The following ZC3H6 variants were observed in gnomAD, a reference collection of about 807,000 sequenced individuals.
The protein encoded by ZC3H6 is zinc finger CCCH-type containing 6.
In ZC3H6, 40 loss-of-function variants were observed where a neutral mutation model predicts 107.7. The observed-to-expected ratio is 0.37, with a 90% confidence interval of 0.29 to 0.48. ZC3H6 has a LOEUF of 0.48. Among genes scored for constraint, ZC3H6 ranks in the 20% least tolerant of loss-of-function variants. The pLI is 0.98. For synonymous variants in ZC3H6, 493 were observed against 487.9 expected, an observed-to-expected ratio of 1.01 and a Z score of -0.14; for missense variants, 1,267 against 1,410.4, an observed-to-expected ratio of 0.90 and a Z score of 1.63.
chr2:112,283,938 T>C (rs1419353488), intron 1 of ZC3H6, among the ~76,000 whole-genome samples: 4 of 152,280 alleles, frequency 2.6e-5, no homozygotes, highest in Non-Finnish European at 5.9e-5. Context: ...AGGATGTTAA[T>C]AATCTTTATA....
chr2:112,289,304 C>T (rs1409708320), intron 1 of ZC3H6, among the ~76,000 whole-genome samples: 1 of 147,396 alleles, frequency 6.8e-6, no homozygotes, highest in Admixed American at 6.8e-5. Context: ...AGGCCCTGAA[C>T]ACTTTTTTTT....
intron 8 of ZC3H6, 35 bp from the exon 9 acceptor site, chr2:112,322,614 G>T (rs750361249): frequency 1.3e-6 from 2 of 1,557,670 alleles, no homozygotes; most frequent in Non-Finnish European, 1.7e-6. Context: ...GAAAAGACTC[G>T]CTTTGAAATA....
intron 1 of ZC3H6, among the ~76,000 whole-genome samples, chr2:112,295,184 C>G (rs565883188): frequency 6.6e-6 from 1 of 152,150 alleles, no homozygotes; most frequent in Non-Finnish European, 1.5e-5. Context: ...ATTAACTGAA[C>G]AGTTATTTAC....
chr2:112,332,686 T>C lies in ZC3H6; in HGVS notation c.*198T>C, dbSNP rs1391384864. On this transcript the variant is annotated 3_prime_UTR_variant, in exon 12 of 12. Coordinates refer to ENST00000409871, the MANE Select transcript of ZC3H6 (RefSeq NM_198581.3). ...ATATTTTTATAACTTTAAGAGACTGTAGTAATTGACCTAAAAACTTATGTT... is the reference window on the plus strand; with the variant it reads ...ATATTTTTATAACTTTAAGAGACTGCAGTAATTGACCTAAAAACTTATGTT... 2 of 428,916 alleles carry C rather than the reference T, an allele frequency of 4.7e-6. No homozygotes were observed. Among genetic ancestry groups the C allele is most frequent in the African/African-American group, 4.1e-5 (2 of 48,828 alleles). 26.6% of individuals were successfully genotyped at this position (428,916 alleles called of 1,614,324 possible). A position where few individuals can be genotyped will look rare whatever the true frequency, so the allele number is the denominator to read the frequency against.
chr2:112,319,054 C>G (rs148071804), intron 7 of ZC3H6, among the ~76,000 whole-genome samples: 1 of 152,106 alleles, frequency 6.6e-6, no homozygotes, highest in Non-Finnish European at 1.5e-5. Context: ...TAACTAGATA[C>G]AATTTGTGGA....
At chr2:112,281,921 T>C (rs1686533407) in intron 1 of ZC3H6, among the ~76,000 whole-genome samples, 1 of 152,024 alleles carries the variant, frequency 6.6e-6, no homozygotes, top group South Asian at 2.1e-4. Flanking sequence ...TAAAATATTT[T>C]AAGGTTTGAA....
intron 5 of ZC3H6, 193 bp downstream of exon 5, chr2:112,312,130 G>A: frequency 5.7e-6 from 3 of 524,048 alleles, no homozygotes; most frequent in Non-Finnish European, 9.1e-6. Context: ...AGATTTTGCT[G>A]ACTTTGAAAT....
rs1214314244 is a variant in ZC3H6, at chr2:112,337,483, C to T, written c.*4995C>T. 5 of 151,918 alleles carry T rather than the reference C, an allele frequency of 3.3e-5. No individual in the cohort carries two copies. Among genetic ancestry groups the T allele is most frequent in the Admixed American group, 3.3e-4 (5 of 15,252 alleles). 9.4% of individuals were successfully genotyped at this position (151,918 alleles called of 1,614,324 possible). A position where few individuals can be genotyped will look rare whatever the true frequency, so the allele number is the denominator to read the frequency against. Reference sequence around the variant, plus strand: ...GCTTACAGGCACGTGCCACCACACCCAGCTAATTTATTGTATTTACTAGAG... The same window carrying T: ...GCTTACAGGCACGTGCCACCACACCTAGCTAATTTATTGTATTTACTAGAG... On this transcript the variant is annotated 3_prime_UTR_variant, in exon 12 of 12. Transcript: ENST00000409871.
In ZC3H6 at chr2:112,331,580, C is replaced by T. The variant is rs1677032635; in HGVS notation, c.2662C>T (p.Pro888Ser). 6 of 1,613,804 alleles carry T rather than the reference C, an allele frequency of 3.7e-6. No individual in the cohort carries two copies. The highest frequency in any genetic ancestry group is 4.2e-6 in the Non-Finnish European group (5 of 1,179,878). Residue 888 changes from proline to serine, a missense_variant, in exon 12 of 12, where the codon CCT becomes TCT. Physicochemically the swap from Pro to Ser is moderately conservative, Grantham distance 74. This residue lies in a region of ZC3H6 where 925 missense variants were observed against 1,025.7 expected (regional missense o/e 0.90). Coordinates refer to ENST00000409871, the MANE Select transcript of ZC3H6 (RefSeq NM_198581.3). ...GGCTCCCGAAGACTTACTTCCAGTA[C>T]CTTTACCTAAACCTGATCCAGTGTC... ...VWAPEDLLPV[P>S]LPKPDPVSSI...
chr2:112,294,353 GA>G, intron 1 of ZC3H6, among the ~76,000 whole-genome samples: 1 of 152,184 alleles, frequency 6.6e-6, no homozygotes, highest in Non-Finnish European at 1.5e-5. Flanking sequence ...AAACATCTAG[GA>G]AATTTTGTTC....
rs768618572 is a variant in ZC3H6, at chr2:112,324,390, G to A, written c.1579G>A (p.Gly527Ser). The A allele has an allele frequency of 6.2e-7, 1 of 1,614,002 alleles. No individual in the cohort carries two copies. The highest frequency in any genetic ancestry group is 1.7e-5 in the Admixed American group (1 of 60,026). The change falls in exon 10 of 12, where the codon GGT becomes AGT. Residue 527 changes from glycine to serine, a missense_variant. Coordinates refer to ENST00000409871, the MANE Select transcript of ZC3H6 (RefSeq NM_198581.3). ...ACCACCTGGTCCACCTGAAATTGTA[G>A]GTCCTCAAAATCAAGCTGGAGTGCT... ...PLPPGPPEIV[G>S]PQNQAGVLVQ...
intron 8 of ZC3H6, 147 bp from the exon 9 acceptor site, chr2:112,322,502 A>G: frequency 1.2e-6 from 1 of 843,980 alleles, no homozygotes; most frequent in South Asian, 2.0e-5. Context: ...TGGCCTTCCA[A>G]GGTGTTGAGA....
chr2:112,303,079 G>T, intron 2 of ZC3H6, 150 bp from the exon 3 acceptor site: 1 of 928,354 alleles, frequency 1.1e-6, no homozygotes, highest in Non-Finnish European at 1.6e-6. Flanking sequence ...GGTGGCCTTT[G>T]GGGCAAGAAT....
At chr2:112,281,619 C>T (rs988319597) in intron 1 of ZC3H6, among the ~76,000 whole-genome samples, 1 of 152,112 alleles carries the variant, frequency 6.6e-6, no homozygotes, top group Non-Finnish European at 1.5e-5. Flanking sequence ...CTATTGTAAA[C>T]GTCTAGAAAT....
At chr2:112,307,636 C>T (rs1453329721) in intron 3 of ZC3H6, among the ~76,000 whole-genome samples, 3 of 152,132 alleles carry the variant, frequency 2.0e-5, no homozygotes, top group Non-Finnish European at 4.4e-5. Context: ...TGTCACCCTT[C>T]ATTCATTTCA....
intron 4 of ZC3H6, among the ~76,000 whole-genome samples, chr2:112,311,092 C>G (rs902030490): frequency 3.9e-5 from 6 of 152,150 alleles, no homozygotes; most frequent in Admixed American, 3.9e-4. Flanking sequence ...CCCTTCCCAC[C>G]TGGGGCTTTT....
At chr2:112,312,589 A>G (rs1306333369) in intron 5 of ZC3H6, among the ~76,000 whole-genome samples, 1 of 152,184 alleles carries the variant, frequency 6.6e-6, no homozygotes, top group Non-Finnish European at 1.5e-5. Flanking sequence ...TTGGCTGGGC[A>G]CAGTGGCTCA....
intron 1 of ZC3H6, among the ~76,000 whole-genome samples, chr2:112,287,198 A>T (rs1421299104): frequency 6.6e-6 from 1 of 152,046 alleles, no homozygotes; most frequent in Non-Finnish European, 1.5e-5. Flanking sequence ...GTTTTCTGAG[A>T]TTTGTTTCTG....
In ZC3H6 at chr2:112,331,847, C is replaced by T. The variant is rs747098572; in HGVS notation, c.2929C>T (p.Pro977Ser). The change falls in exon 12 of 12, where the codon CCC becomes TCC. Residue 977 changes from proline to serine, a missense_variant. Physicochemically the swap from Pro to Ser is moderately conservative, Grantham distance 74. Coordinates refer to ENST00000409871, the MANE Select transcript of ZC3H6 (RefSeq NM_198581.3). ...TTTTGATCCTAGGCTTCACAGACTG[C>T]CCAATACAGAGTCTCATCAAGTGGT... Reference protein sequence around the residue: ...KNFDPRLHRLPNTESHQVVMK... With the variant: ...KNFDPRLHRLSNTESHQVVMK... 1.5e-5 allele frequency: 25 copies of T among 1,613,694 alleles called. No homozygotes were observed. Among genetic ancestry groups the T allele is most frequent in the Non-Finnish European group, 2.0e-5 (24 of 1,179,874 alleles).
Sources: allele counts gnomAD v4.1 joint callset (sites outside exome capture counted in the v4.1 genomes callset), GRCh38; gene constraint gnomAD v4.1.1; regional missense constraint gnomAD v4.1.1; transcripts MANE v1.5; gene names NCBI Gene and HGNC (gene_info 2026-07-23, HGNC 2026-07-21).